FHOD3: variants seen among roughly 807,000 people sequenced by gnomAD.
The protein encoded by FHOD3 is formin homology 2 domain containing 3.
Under a neutral mutation model 173.0 loss-of-function variants are expected in FHOD3, and 90 were observed. The ratio of observed to expected loss-of-function variants is 0.52; its 90% confidence interval spans 0.44 to 0.62. The LOEUF (loss-of-function observed/expected upper bound fraction) is 0.62. Ranked by LOEUF, FHOD3 falls within the 20% of genes least tolerant of loss-of-function variation. FHOD3 has a pLI of 0.00. For synonymous variants in FHOD3, 828 were observed against 823.0 expected (o/e 1.01, Z -0.10); for missense variants, 1,945 against 2,034.7 (o/e 0.96, Z 0.85).
intron 6 of FHOD3, among the ~76,000 whole-genome samples, chr18:36,589,861 A>T (rs1238303855): frequency 6.6e-6 from 1 of 152,078 alleles, no homozygotes; most frequent in Non-Finnish European, 1.5e-5. Context: ...ATGAGAATCA[A>T]TTCCAATTGA....
At chr18:36,512,232 C>G (rs1368895923) in intron 4 of FHOD3, among the ~76,000 whole-genome samples, 1 of 152,206 alleles carries the variant, frequency 6.6e-6, no homozygotes, top group African/African-American at 2.4e-5. Flanking sequence ...CAGAAGGCAG[C>G]AATAACTGGT....
chr18:36,649,197 T>G, intron 10 of FHOD3, 119 bp from the exon 11 acceptor site: 1 of 631,750 alleles, frequency 1.6e-6, no homozygotes, highest in Non-Finnish European at 2.6e-6. Flanking sequence ...TTTTTAATTA[T>G]TATTATTTCG....
chr18:36,302,124 G>A (rs972736209), intron 1 of FHOD3, among the ~76,000 whole-genome samples: 15 of 152,218 alleles, frequency 9.9e-5, no homozygotes, highest in African/African-American at 3.6e-4. Context: ...GCAGGTCTAA[G>A]CTCTTAAGGA....
chr18:36,531,493 G>C (rs116707597), intron 5 of FHOD3, among the ~76,000 whole-genome samples: 1 of 152,210 alleles, frequency 6.6e-6, no homozygotes, highest in African/African-American at 2.4e-5. Flanking sequence ...GCCCCTCCAT[G>C]TTCTGCCTGC....
chr18:36,686,267 G>A (rs1465227328), intron 15 of FHOD3, among the ~76,000 whole-genome samples: 1 of 152,096 alleles, frequency 6.6e-6, no homozygotes, highest in South Asian at 2.1e-4. Flanking sequence ...GGAATACTAT[G>A]TAGCCATAAA....
At chr18:36,349,092 CAT>C (rs1311469863) in intron 1 of FHOD3, among the ~76,000 whole-genome samples, 1 of 152,190 alleles carries the variant, frequency 6.6e-6, no homozygotes, top group South Asian at 2.1e-4. Flanking sequence ...TGGGCTGTCT[CAT>C]GTGTCTATCA....
At chr18:36,351,100 G>A (rs142762546) in intron 1 of FHOD3, among the ~76,000 whole-genome samples, 121 of 152,198 alleles carry the variant, frequency 8.0e-4, no homozygotes, top group African/African-American at 2.8e-3. Flanking sequence ...GTGTTGACTC[G>A]TTTGCTGTCT....
intron 5 of FHOD3, among the ~76,000 whole-genome samples, chr18:36,572,462 C>T (rs1438036501): frequency 6.6e-6 from 1 of 151,994 alleles, no homozygotes; most frequent in Non-Finnish European, 1.5e-5. Context: ...GGTTTACAGG[C>T]CGGATTGCTT....
At chr18:36,304,290 G>A (rs2144493778) in intron 1 of FHOD3, among the ~76,000 whole-genome samples, 1 of 152,274 alleles carries the variant, frequency 6.6e-6, no homozygotes, top group East Asian at 1.9e-4. Context: ...ATTTGCTTCA[G>A]AATAATTCCA....
intron 14 of FHOD3, among the ~76,000 whole-genome samples, chr18:36,669,443 T>C (rs1447690503): frequency 6.6e-6 from 1 of 151,968 alleles, no homozygotes; most frequent in Non-Finnish European, 1.5e-5. Context: ...ATTGATTTGT[T>C]TGAGTTTATA....
At chr18:36,382,725 C>T (rs2047852395) in intron 3 of FHOD3, among the ~76,000 whole-genome samples, 1 of 152,218 alleles carries the variant, frequency 6.6e-6, no homozygotes, top group African/African-American at 2.4e-5. Flanking sequence ...CAAACAGCTG[C>T]CTCTGTTACC....
At chr18:36,329,267 C>T (rs1295311338) in intron 1 of FHOD3, among the ~76,000 whole-genome samples, 1 of 152,206 alleles carries the variant, frequency 6.6e-6, no homozygotes, top group Non-Finnish European at 1.5e-5. Flanking sequence ...ACAAGCACCT[C>T]TGTCTCGTGT....
intron 1 of FHOD3, among the ~76,000 whole-genome samples, chr18:36,319,325 G>A (rs2044282373): frequency 6.6e-6 from 1 of 152,128 alleles, no homozygotes; most frequent in Non-Finnish European, 1.5e-5. Flanking sequence ...ATAAAGGGCA[G>A]GGATTGCAAT....
At chr18:36,553,963 C>T (rs748618341) in intron 5 of FHOD3, among the ~76,000 whole-genome samples, 6 of 152,180 alleles carry the variant, frequency 3.9e-5, no homozygotes, top group East Asian at 3.9e-4. Flanking sequence ...GTTAGAATGG[C>T]GATCATTAAA....
chr18:36,547,812 C>T (rs1260553347), intron 5 of FHOD3, among the ~76,000 whole-genome samples: 1 of 152,110 alleles, frequency 6.6e-6, no homozygotes, highest in East Asian at 1.9e-4. Flanking sequence ...CCAGCTGCTT[C>T]GTGAGGTTGG....
rs569173437 is a variant in FHOD3 at position 36,433,192 on chromosome 18, A to G, written c.337+60448A>G. On this transcript the variant is annotated intron_variant, in intron 3 of 28. Transcript: ENST00000590592. ...TGTTGTCACATAGTTTAACCTAGTC[A>G]CAATGATGATATCTCATCACATTCA... 2.6e-5 allele frequency among the ~76,000 whole-genome samples: 4 copies of G among 152,346 alleles called. No homozygotes were observed. The South Asian group carries it at 8.3e-4, about 32-fold the overall frequency.
intron 1 of FHOD3, among the ~76,000 whole-genome samples, chr18:36,335,412 G>A (rs1179854142): frequency 2.0e-5 from 3 of 150,900 alleles, no homozygotes; most frequent in Non-Finnish European, 2.9e-5. Flanking sequence ...GGAGAATGGC[G>A]TGAACCCGGG....
chr18:36,651,131 T>C (rs958574987), intron 11 of FHOD3, among the ~76,000 whole-genome samples: 4 of 152,150 alleles, frequency 2.6e-5, no homozygotes, highest in African/African-American at 9.7e-5. Flanking sequence ...TGACTTCTGC[T>C]TAGTGTGTGC....
chr18:36,342,117 C>T (rs2045654439), intron 1 of FHOD3, among the ~76,000 whole-genome samples: 1 of 151,848 alleles, frequency 6.6e-6, no homozygotes, highest in East Asian at 1.9e-4. Context: ...GAAAATTAGA[C>T]ACAGATGGAG....
Sources: allele counts gnomAD v4.1 joint callset (sites outside exome capture counted in the v4.1 genomes callset), GRCh38; gene constraint gnomAD v4.1.1; transcripts MANE v1.5; gene names NCBI Gene and HGNC (gene_info 2026-07-23, HGNC 2026-07-21).